Variants in KIF1A observed in about 807,000 individuals in gnomAD.
KIF1A encodes the protein kinesin family member 1A, also known as kinesin-like protein KIF1A.
In KIF1A, 46 loss-of-function variants were observed where a neutral mutation model predicts 227.3. That is an observed-to-expected ratio of 0.20 (90% CI 0.16 to 0.26). The LOEUF is 0.26. Among genes scored for constraint, KIF1A ranks in the 10% least tolerant of loss-of-function variants. The pLI, the probability that KIF1A is intolerant of heterozygous loss-of-function variation, is 1.00. For missense variants in KIF1A, 1,683 were observed against 2,485.9 expected (o/e 0.68, Z 6.87); for synonymous variants, 1,022 against 1,012.8 (o/e 1.01, Z -0.17).
At chr2:240,717,976 C>A (rs1249723232) in intron 48 of KIF1A, 74 bp downstream of exon 48, 5 of 943,420 alleles carry the variant, frequency 5.3e-6, no homozygotes, top group Non-Finnish European at 8.3e-6. Flanking sequence ...AGGGCCCTAT[C>A]AAATGGTCCT....
At chr2:240,750,056 G>A (rs2049035198) in intron 28 of KIF1A, among the ~76,000 whole-genome samples, 1 of 152,236 alleles carries the variant, frequency 6.6e-6, no homozygotes, top group Non-Finnish European at 1.5e-5. Flanking sequence ...GTGGTCTTGG[G>A]TCCATATGGG....
intron 18 of KIF1A, 26 bp from the exon 19 acceptor site, chr2:240,767,047 C>G: frequency 6.4e-7 from 1 of 1,555,638 alleles, no homozygotes; most frequent in African/African-American, 1.4e-5. Flanking sequence ...ACCATCAGCA[C>G]GGCAGCTGGG....
At position 240,787,272 on chromosome 2, in the gene KIF1A, G is replaced by A. The variant is rs761179236; in HGVS notation, c.408C>T (p.Asp136=). ...LFSRINDTTN[D]NMSYSVEVSY... Reference sequence around the variant, plus strand: ...CTACCTCCACGGAGTAGGACATGTTGTCGTTGGTCGTGTCGTTGATCCGAG... The same window carrying A: ...CTACCTCCACGGAGTAGGACATGTTATCGTTGGTCGTGTCGTTGATCCGAG... Residue 136 remains aspartate, a synonymous_variant, in exon 5 of 49, where the codon GAC becomes GAT. Transcript: ENST00000498729. 1.2e-6 allele frequency: 2 copies of A among 1,613,362 alleles called. No homozygotes were observed. The highest frequency in any genetic ancestry group is 1.1e-5 in the South Asian group (1 of 91,074).
At position 240,717,410 on chromosome 2, in the gene KIF1A, C is replaced by T. The variant is rs758806789; in HGVS notation, c.5334-4G>A. The stretch of plus-strand genomic sequence containing the variant: ...CCTCCTTCTGGAGAGCTTGGACCTG[C>T]AGAAGAGTTGGGAGAGGCGGCGTGG... On this transcript the variant is annotated splice_polypyrimidine_tract_variant and splice_region_variant and intron_variant, in intron 48 of 48. Transcript: ENST00000498729. 2.4e-5 allele frequency: 38 copies of T among 1,611,014 alleles called. No homozygotes were observed. Among genetic ancestry groups the T allele is most frequent in the Non-Finnish European group, 3.1e-5 (36 of 1,179,458 alleles).
chr2:240,782,541 C>G, intron 10 of KIF1A, 49 bp downstream of exon 10: 1 of 1,546,086 alleles, frequency 6.5e-7, no homozygotes, highest in Non-Finnish European at 8.7e-7. Context: ...AGGGCAGACA[C>G]CGCCACCAGC....
At position 240,714,911 on chromosome 2, in the gene KIF1A, G is replaced by A. The variant is rs914860135; in HGVS notation, c.*2453C>T. Reference sequence around the variant, plus strand: ...CAGCCAGGCAGTCTCCATGGCAGTGGAGGCTTCTGAATTTAGGCAGCTCCC... The same window carrying A: ...CAGCCAGGCAGTCTCCATGGCAGTGAAGGCTTCTGAATTTAGGCAGCTCCC... On this transcript the variant is annotated 3_prime_UTR_variant, in exon 49 of 49. Coordinates refer to ENST00000498729, the MANE Select transcript of KIF1A (RefSeq NM_001244008.2). The A allele has an allele frequency of 1.3e-5, 2 of 152,244 alleles. No individual in the cohort carries two copies. Among genetic ancestry groups the A allele is most frequent in the African/African-American group, 4.8e-5 (2 of 41,450 alleles). The allele number at this position is 152,244 out of a possible 1,614,324, so 9.4% of individuals were successfully genotyped here. A position where few individuals can be genotyped will look rare whatever the true frequency, so the allele number is the denominator to read the frequency against.
intron 46 of KIF1A, 110 bp from the exon 47 acceptor site, chr2:240,719,308 C>T: frequency 7.9e-7 from 1 of 1,272,300 alleles, no homozygotes; most frequent in Non-Finnish European, 1.1e-6. Flanking sequence ...AACCACCTCC[C>T]CAGCCAGAAA....
Position 240,778,065 on chromosome 2 carries a change from G to A in KIF1A, c.883-2139C>T, listed in dbSNP as rs914962980. 5.9e-5 allele frequency among the ~76,000 whole-genome samples: 9 copies of A among 152,036 alleles called. No individual in the cohort carries two copies. The South Asian group carries it at 6.3e-4, about 11-fold the overall frequency. On this transcript the variant is annotated intron_variant, in intron 10 of 48. Transcript: ENST00000498729. The surrounding 1 kb of genome is among the most constrained non-coding windows in gnomAD (Gnocchi z 7.2). ...ACCACACAGTTCCTCAGCTCCTCCC[G>A]CTCCCCACGCACTTCCTCGCGTTTC...
rs1169194328 is a variant in KIF1A at position 240,792,597 on chromosome 2, CAG to C, written c.107-3287_107-3286del. The stretch of plus-strand genomic sequence containing the variant: ...AAGGAATGGAATACAGCCGTTTTCT[CAG>C]AGTCTCAGCTTTCCTGCGGCCTTGA... On this transcript the variant is annotated intron_variant, in intron 2 of 48. Transcript: ENST00000498729. The surrounding 1 kb of genome is among the most constrained non-coding windows in gnomAD (Gnocchi z 4.5). Among the ~76,000 whole-genome samples, 6 of 152,206 alleles carry C rather than the reference CAG, an allele frequency of 3.9e-5. No individual in the cohort carries two copies. The highest frequency in any genetic ancestry group is 1.4e-4 in the African/African-American group (6 of 41,528).
chr2:240,742,834 CAG>C (rs1295702069), intron 34 of KIF1A, 93 bp downstream of exon 34: 7 of 1,156,038 alleles, frequency 6.1e-6, no homozygotes, highest in Non-Finnish European at 8.8e-6. Context: ...AGCCCAGTCA[CAG>C]AGGACAGCAT....
chr2:240,763,099 G>A lies in KIF1A; in HGVS notation c.1950-8C>T, dbSNP rs1559508040. On this transcript the variant is annotated splice_region_variant and splice_polypyrimidine_tract_variant and intron_variant, in intron 21 of 48. Transcript: ENST00000498729. ...TCCTCCAGTTCCTGGAGCCTGCAAG[G>A]GGGCATTGGGGTGAGCACGGGAGGG... The A allele has an allele frequency of 1.3e-6, 2 of 1,589,338 alleles. No homozygotes were observed. The highest frequency in any genetic ancestry group is 1.7e-6 in the Non-Finnish European group (2 of 1,169,346).
chr2:240,720,726 G>A (rs533829631), intron 45 of KIF1A, 188 bp downstream of exon 45: 30 of 565,812 alleles, frequency 5.3e-5, no homozygotes, highest in African/African-American at 1.1e-4. Flanking sequence ...TGGAGCTGGC[G>A]GGGCACAGGC....
At chr2:240,732,124 G>GGAGGAGGGGAGGAGGAA (rs2046743929) in intron 38 of KIF1A, among the ~76,000 whole-genome samples, 1 of 25,010 alleles carries the variant, frequency 4.0e-5, no homozygotes, top group Non-Finnish European at 7.6e-5. Flanking sequence ...AGGGATGAGG[G>GGAGGAGGGGAGGAGGAA]GAGGGGAGGA....
In KIF1A at chr2:240,788,035, G is replaced by A. The variant is rs7594569; in HGVS notation, c.363+16C>T. Reference sequence around the variant, plus strand: ...CCATCTGCCAGGGCTGCCCCCGCCCGCCCCCCGCTTCGTGCCTGTGGGATG... The same window carrying A: ...CCATCTGCCAGGGCTGCCCCCGCCCACCCCCCGCTTCGTGCCTGTGGGATG... On this transcript the variant is annotated intron_variant, in intron 4 of 48. Coordinates refer to ENST00000498729, the MANE Select transcript of KIF1A (RefSeq NM_001244008.2). This position sits in a 1 kb window ranked among gnomAD's most constrained non-coding sequence, Gnocchi z 6.6. The A allele has an allele frequency of 2.6e-3, 1,901 of 732,482 alleles. 26 individuals are homozygous for A. The African/African-American group carries it at 0.036, about 14-fold the overall frequency. 45.4% of individuals were successfully genotyped at this position (732,482 alleles called of 1,614,324 possible).
intron 46 of KIF1A, 39 bp from the exon 47 acceptor site, chr2:240,719,237 G>T (rs767522148): frequency 6.3e-7 from 1 of 1,576,088 alleles, no homozygotes. Context: ...GCCCTCGGTG[G>T]GGGCAGCGAC....
Position 240,775,855 on chromosome 2 carries a change from G to A in KIF1A, c.954C>T (p.Asn318=). ...DSVLTWLLRE[N]LGGNSRTAMV... is the part of the protein sequence containing the mutation. Reference sequence around the variant, plus strand: ...GGCAAACCCACAAGTTCTCACCCAGGTTTTCCCGGAGGAGCCAGGTCAACA... The same window carrying A: ...GGCAAACCCACAAGTTCTCACCCAGATTTTCCCGGAGGAGCCAGGTCAACA... The change falls in exon 11 of 49, where the codon AAC becomes AAT. Residue 318 remains asparagine, a synonymous_variant. Coordinates refer to ENST00000498729, the MANE Select transcript of KIF1A (RefSeq NM_001244008.2). This position sits in a 1 kb window ranked among gnomAD's most constrained non-coding sequence, Gnocchi z 5.5. 6.2e-7 allele frequency: 1 copy of A among 1,605,352 alleles called. No individual in the cohort carries two copies. The highest frequency in any genetic ancestry group is 8.5e-7 in the Non-Finnish European group (1 of 1,171,988).
intron 44 of KIF1A, 36 bp downstream of exon 44, chr2:240,721,771 C>G (rs2045420725): frequency 6.4e-7 from 1 of 1,566,330 alleles, no homozygotes; most frequent in Admixed American, 1.7e-5. Flanking sequence ...AGCCCGAGCC[C>G]TGCGGGGCAG....
chr2:240,718,406 C>T lies in KIF1A; in HGVS notation c.5215-238G>A, dbSNP rs923613669. Reference sequence around the variant, plus strand: ...ACCACTGCTATGCCTCCCCACGGGACGTGACTGCCCCTCATGGCCCCTGCT... The same window carrying T: ...ACCACTGCTATGCCTCCCCACGGGATGTGACTGCCCCTCATGGCCCCTGCT... On this transcript the variant is annotated intron_variant, in intron 47 of 48. Transcript: ENST00000498729. Among the ~76,000 whole-genome samples the T allele has an allele frequency of 7.2e-5, 11 of 152,356 alleles. No homozygotes were observed. The East Asian group carries it at 9.6e-4, about 13-fold the overall frequency.
In KIF1A at chr2:240,757,221, G is replaced by T; in HGVS notation, c.2858+98C>A. The T allele has an allele frequency of 7.9e-7, 1 of 1,264,334 alleles. No individual in the cohort carries two copies. Among genetic ancestry groups the T allele is most frequent in the Non-Finnish European group, 1.1e-6 (1 of 905,228 alleles). The allele number at this position is 1,264,334 out of a possible 1,614,324, so 78.3% of individuals were successfully genotyped here. A position where few individuals can be genotyped will look rare whatever the true frequency, so the allele number is the denominator to read the frequency against. The stretch of plus-strand genomic sequence containing the variant: ...CACCTGCCTCGCCTGCCCTGGGAGG[G>T]CCCGGGCCAGGCCCCAGCGGTTCCT... On this transcript the variant is annotated intron_variant, in intron 27 of 48. Coordinates refer to ENST00000498729, the MANE Select transcript of KIF1A (RefSeq NM_001244008.2). This position sits in a 1 kb window ranked among gnomAD's most constrained non-coding sequence, Gnocchi z 6.2.
Sources: allele counts gnomAD v4.1 joint callset (sites outside exome capture counted in the v4.1 genomes callset), GRCh38; gene constraint gnomAD v4.1.1; non-coding constraint Gnocchi (gnomAD v3.1); transcripts MANE v1.5; gene names NCBI Gene and HGNC (gene_info 2026-07-23, HGNC 2026-07-21).